Variants in CAAP1 observed in about 807,000 individuals in gnomAD.
The protein encoded by CAAP1 is caspase activity and apoptosis inhibitor 1, also known as conserved anti-apoptotic protein.
In CAAP1, 20 loss-of-function variants were observed where a neutral mutation model predicts 34.0. That is an observed-to-expected ratio of 0.59 (90% CI 0.41 to 0.86). The LOEUF is 0.86. Among genes scored for constraint, CAAP1 ranks in the 40% least tolerant of loss-of-function variants. The pLI is 0.00. For synonymous variants in CAAP1, 213 were observed against 166.7 expected (o/e 1.28, Z -2.14); for missense variants, 538 against 450.5 (o/e 1.19, Z -1.76).
chr9:26,884,988 G>A, intron 3 of CAAP1, 103 bp from the exon 4 acceptor site: 2 of 791,018 alleles, frequency 2.5e-6, no homozygotes, highest in South Asian at 1.7e-5. Context: ...GCAGATTAAA[G>A]AACTTTATAC....
chr9:26,844,352 C>T (rs752271995), intron 5 of CAAP1, among the ~76,000 whole-genome samples: 20 of 151,208 alleles, frequency 1.3e-4, no homozygotes, highest in African/African-American at 2.7e-4. Context: ...GGTGAAACTC[C>T]GTCTCAAAAA....
At chr9:26,847,776 A>AT (rs1005470706) in intron 5 of CAAP1, among the ~76,000 whole-genome samples, 3 of 147,526 alleles carry the variant, frequency 2.0e-5, no homozygotes, top group African/African-American at 5.0e-5. Flanking sequence ...AAATCTGTTG[A>AT]TTTTTTTTCC....
chr9:26,868,132 T>C (rs981288586), intron 4 of CAAP1, among the ~76,000 whole-genome samples: 1 of 152,352 alleles, frequency 6.6e-6, no homozygotes, highest in South Asian at 2.1e-4. Flanking sequence ...TATTCCTTCC[T>C]TATTATGCTA....
chr9:26,878,603 C>G (rs1284140806), intron 4 of CAAP1, among the ~76,000 whole-genome samples: 3 of 152,154 alleles, frequency 2.0e-5, no homozygotes, highest in African/African-American at 4.8e-5. Flanking sequence ...TTTCCCCTTC[C>G]CATTCTCCAT....
At chr9:26,848,468 A>AT (rs1371761871) in intron 5 of CAAP1, among the ~76,000 whole-genome samples, 1 of 152,164 alleles carries the variant, frequency 6.6e-6, no homozygotes, top group Non-Finnish European at 1.5e-5. Flanking sequence ...GTGAGCCAAG[A>AT]TTACACCACT....
In CAAP1 at chr9:26,842,584, C is replaced by T; in HGVS notation, c.803G>A (p.Gly268Asp). ...AGCAGCTGCTTCTTCGTTGCATGGG[C>T]CTTCTATGTCGCTGTCATAAGCATC... Reference protein sequence around the residue: ...NADAYDSDIEGPCNEEAAAPE... With the variant: ...NADAYDSDIEDPCNEEAAAPE... The change falls in exon 6 of 6, where the codon GGC (glycine) becomes GAC (aspartate). Residue 268 changes from glycine to aspartate, a missense_variant. Gly to Asp is a moderately conservative substitution (Grantham distance 94, BLOSUM62 -1). Coordinates refer to ENST00000333916, the MANE Select transcript of CAAP1 (RefSeq NM_024828.4). 1 of 1,614,182 alleles carries T rather than the reference C, an allele frequency of 6.2e-7. No individual in the cohort carries two copies. The highest frequency in any genetic ancestry group is 8.5e-7 in the Non-Finnish European group (1 of 1,180,028).
In CAAP1 at chr9:26,864,057, C is replaced by T. The variant is rs577497959; in HGVS notation, c.666-2918G>A. ...GAGATTACAGGTATGAGCCACCTCA[C>T]CCAGCTCTGTTTTTATATTTCTAAC... On this transcript the variant is annotated intron_variant, in intron 4 of 5. Coordinates refer to ENST00000333916, the MANE Select transcript of CAAP1 (RefSeq NM_024828.4). Among the ~76,000 whole-genome samples the T allele has an allele frequency of 5.3e-5, 8 of 152,238 alleles. No individual in the cohort carries two copies. In the South Asian group the frequency reaches 1.7e-3, roughly 32 times the overall value.
chr9:26,877,504 T>C (rs1823471218), intron 4 of CAAP1, among the ~76,000 whole-genome samples: 1 of 152,222 alleles, frequency 6.6e-6, no homozygotes, highest in African/African-American at 2.4e-5. Context: ...ATCTCTACAT[T>C]CCTGCCTATC....
At chr9:26,874,736 G>T (rs944089449) in intron 4 of CAAP1, among the ~76,000 whole-genome samples, 1 of 152,062 alleles carries the variant, frequency 6.6e-6, no homozygotes, top group Non-Finnish European at 1.5e-5. Context: ...TATGACTACT[G>T]CTTTCTTGTT....
At chr9:26,890,953 C>CA (rs111496689) in intron 1 of CAAP1, among the ~76,000 whole-genome samples, 7,308 of 150,752 alleles carry the variant, frequency 0.048, 576 homozygotes, top group African/African-American at 0.17. Flanking sequence ...TCAAAAAAAA[C>CA]AAAAAAAAAG....
intron 5 of CAAP1, among the ~76,000 whole-genome samples, chr9:26,846,704 T>C (rs1275115467): frequency 6.6e-6 from 1 of 152,072 alleles, no homozygotes; most frequent in African/African-American, 2.4e-5. Flanking sequence ...CTTTTTTTTT[T>C]GAGACAGAGT....
chr9:26,863,683 G>A (rs1349797982), intron 4 of CAAP1, among the ~76,000 whole-genome samples: 3 of 149,442 alleles, frequency 2.0e-5, no homozygotes, highest in African/African-American at 4.9e-5. Flanking sequence ...ACTGTAAAGA[G>A]AGGAATGGGG....
intron 1 of CAAP1, among the ~76,000 whole-genome samples, chr9:26,888,420 T>C (rs1019645557): frequency 1.3e-4 from 20 of 152,184 alleles, no homozygotes; most frequent in Non-Finnish European, 1.5e-4. Context: ...CCTTTATCTA[T>C]CACACTATAT....
At chr9:26,874,888 T>C (rs1823387732) in intron 4 of CAAP1, among the ~76,000 whole-genome samples, 1 of 152,144 alleles carries the variant, frequency 6.6e-6, no homozygotes, top group African/African-American at 2.4e-5. Context: ...TTTGAATATA[T>C]AAAGCTGGCA....
chr9:26,842,795 C>T (rs1383998575), intron 5 of CAAP1, 148 bp from the exon 6 acceptor site: 1 of 599,058 alleles, frequency 1.7e-6, no homozygotes. Flanking sequence ...ACCCTCTTTT[C>T]CCCTGACTCC....
At chr9:26,849,025 A>G (rs1186345603) in intron 5 of CAAP1, among the ~76,000 whole-genome samples, 2 of 152,226 alleles carry the variant, frequency 1.3e-5, no homozygotes, top group Non-Finnish European at 2.9e-5. Context: ...GTTTATTTAA[A>G]AAATCTTCAG....
chr9:26,861,621 G>T (rs1002426973), intron 4 of CAAP1, among the ~76,000 whole-genome samples: 1 of 152,016 alleles, frequency 6.6e-6, no homozygotes, highest in South Asian at 2.1e-4. Context: ...AAAGTAAAAG[G>T]ATTAAATGTA....
chr9:26,861,130 G>A lies in CAAP1; in HGVS notation c.675C>T (p.Ile225=). ...MGSDLVSQQD[I]CIDSASSVRE... Reference sequence around the variant, plus strand: ...TCACGGATGAAGCAGAATCTATACAGATGTCTTGCCTGGGAAATGAAAATA... The same window carrying A: ...TCACGGATGAAGCAGAATCTATACAAATGTCTTGCCTGGGAAATGAAAATA... The change falls in exon 5 of 6, where the codon ATC becomes ATT. Residue 225 remains isoleucine, a synonymous_variant. Coordinates refer to ENST00000333916, the MANE Select transcript of CAAP1 (RefSeq NM_024828.4). The A allele has an allele frequency of 3.7e-6, 6 of 1,608,224 alleles. No individual in the cohort carries two copies. Among genetic ancestry groups the A allele is most frequent in the East Asian group, 2.2e-5 (1 of 44,736 alleles).
At position 26,842,444 on chromosome 9, in the gene CAAP1, C is replaced by G; in HGVS notation, c.943G>C (p.Glu315Gln). The G allele has an allele frequency of 6.2e-7, 1 of 1,614,120 alleles. No individual in the cohort carries two copies. The highest frequency in any genetic ancestry group is 8.5e-7 in the Non-Finnish European group (1 of 1,180,012). Residue 315 changes from glutamate to glutamine, a missense_variant, in exon 6 of 6, where the codon GAA becomes CAA. Around this residue, in one of 3 missense-constraint regions of CAAP1, gnomAD observed 514 missense variants for 408.4 expected, o/e 1.26. Transcript: ENST00000333916. ...ILGLAESSPN[E>Q]PKAATLAVPP... is the part of the protein sequence containing the mutation. ...ACAGCCAGGGTGGCTGCTTTGGGTT[C>G]GTTTGGGCTAGACTCTGCCAGTCCT...
Sources: allele counts gnomAD v4.1 joint callset (sites outside exome capture counted in the v4.1 genomes callset), GRCh38; gene constraint gnomAD v4.1.1; regional missense constraint gnomAD v4.1.1; transcripts MANE v1.5; gene names NCBI Gene and HGNC (gene_info 2026-07-23, HGNC 2026-07-21).